The following ATP2A2 variants were observed in gnomAD, a reference collection of about 807,000 sequenced individuals.
ATP2A2 encodes sarcoplasmic/endoplasmic reticulum calcium ATPase 2.
Under a neutral mutation model 109.3 loss-of-function variants are expected in ATP2A2, and 14 were observed. The ratio of observed to expected loss-of-function variants is 0.13; its 90% CI spans 0.08 to 0.20. The LOEUF is 0.20. Among genes scored for constraint, ATP2A2 ranks in the 10% least tolerant of loss-of-function variants. ATP2A2 has a pLI of 1.00. For missense variants in ATP2A2, 657 were observed against 1,321.6 expected, an observed-to-expected ratio of 0.50 and a Z score of 7.80; for synonymous variants, 506 against 490.9, an observed-to-expected ratio of 1.03 and a Z score of -0.41.
In ATP2A2 at chr12:110,347,420, CTGCT is replaced by C. The variant is rs1459408770; in HGVS notation, c.*953_*956del. The C allele has an allele frequency of 3.9e-6, 5 of 1,288,950 alleles. No individual in the cohort carries two copies. Among genetic ancestry groups the C allele is most frequent in the Admixed American group, 4.6e-5 (2 of 43,522 alleles). The allele number at this position is 1,288,950 out of a possible 1,614,324, so 79.8% of individuals were successfully genotyped here. On this transcript the variant is annotated 3_prime_UTR_variant, in exon 20 of 20. Transcript: ENST00000539276. ...CTTAGCTCAGAACTTTAGTTGTACT[CTGCT>C]TGAGGGGAAGAAGGCTCCTGCTCTG... is the stretch of plus-strand genomic sequence containing the variant.
At chr12:110,302,655 A>G (rs1486813277) in intron 5 of ATP2A2, among the ~76,000 whole-genome samples, 1 of 151,918 alleles carries the variant, frequency 6.6e-6, no homozygotes, top group Non-Finnish European at 1.5e-5. Flanking sequence ...GCTGGAATGC[A>G]GTAGCGTGAT....
intron 5 of ATP2A2, among the ~76,000 whole-genome samples, chr12:110,310,606 T>C (rs2137765108): frequency 6.6e-6 from 1 of 152,330 alleles, no homozygotes; most frequent in African/African-American, 2.4e-5. Flanking sequence ...TTGTAGTATA[T>C]ACTCTGGAGC....
intron 11 of ATP2A2, 119 bp downstream of exon 11, chr12:110,334,262 C>T: frequency 8.0e-7 from 1 of 1,255,154 alleles, no homozygotes; most frequent in Non-Finnish European, 1.1e-6. Flanking sequence ...CTCAAACTTA[C>T]AGTATTTCCT....
At chr12:110,297,891 AG>A (rs1874139419) in intron 5 of ATP2A2, among the ~76,000 whole-genome samples, 1 of 152,090 alleles carries the variant, frequency 6.6e-6, no homozygotes. Flanking sequence ...CTGGGATTAC[AG>A]GTGTGCCCAG....
At chr12:110,309,196 C>G (rs1418553932) in intron 5 of ATP2A2, among the ~76,000 whole-genome samples, 1 of 107,330 alleles carries the variant, frequency 9.3e-6, no homozygotes, top group Non-Finnish European at 1.7e-5. Flanking sequence ...CTCACTCTGT[C>G]GCCCAGGCAG....
At chr12:110,345,956 G>C in intron 18 of ATP2A2, 45 bp from the exon 19 acceptor site, 1 of 1,584,400 alleles carries the variant, frequency 6.3e-7, no homozygotes, top group Non-Finnish European at 8.7e-7. Flanking sequence ...TGTGACACGT[G>C]CCTTGCCTTG....
chr12:110,345,228 TTTGA>T lies in ATP2A2; in HGVS notation c.2608-17_2608-14del. 6.2e-7 allele frequency: 1 copy of T among 1,613,996 alleles called. No homozygotes were observed. Among genetic ancestry groups the T allele is most frequent in the Non-Finnish European group, 8.5e-7 (1 of 1,179,986 alleles). On this transcript the variant is annotated splice_polypyrimidine_tract_variant and intron_variant, in intron 17 of 19. Coordinates refer to ENST00000539276, the MANE Select transcript of ATP2A2 (RefSeq NM_170665.4). ...GGGAAATATACTGGGCTGATAGGAATTTGATTGGATTTTCTTGCAGAGTCATTTC... is the reference window on the plus strand; with the variant it reads ...GGGAAATATACTGGGCTGATAGGAATTTGGATTTTCTTGCAGAGTCATTTC...
At position 110,325,128 on chromosome 12, in the gene ATP2A2, T is replaced by C. The variant is rs370852224; in HGVS notation, c.545-1262T>C. Among the ~76,000 whole-genome samples, 24 of 152,234 alleles carry C rather than the reference T, an allele frequency of 1.6e-4. 1 individual carries two copies. Among genetic ancestry groups the C allele is most frequent in the African/African-American group, 5.5e-4 (23 of 41,550 alleles). On this transcript the variant is annotated intron_variant, in intron 6 of 19. Coordinates refer to ENST00000539276, the MANE Select transcript of ATP2A2 (RefSeq NM_170665.4). ...ACACCCAGCCTATAATAAAAAACTT[T>C]AAAAGTTTAAAAAAAAATTTAAACT...
chr12:110,288,474 G>A lies in ATP2A2; in HGVS notation c.220-3546G>A, dbSNP rs559635368. The stretch of plus-strand genomic sequence containing the variant: ...GGCTGGAGTGCAATGGCGCGATCTC[G>A]GCTCGCTGTAACCTCTGCCTCCCGG... On this transcript the variant is annotated intron_variant, in intron 3 of 19. Coordinates refer to ENST00000539276, the MANE Select transcript of ATP2A2 (RefSeq NM_170665.4). Among the ~76,000 whole-genome samples the A allele has an allele frequency of 4.6e-5, 7 of 151,398 alleles. No homozygotes were observed. In the South Asian group the frequency reaches 6.3e-4, roughly 14 times the overall value.
intron 5 of ATP2A2, among the ~76,000 whole-genome samples, chr12:110,317,881 A>G (rs780653512): frequency 2.0e-5 from 3 of 152,242 alleles, no homozygotes; most frequent in Non-Finnish European, 4.4e-5. Flanking sequence ...ATAGCAAATT[A>G]AAGAGCTGTG....
intron 5 of ATP2A2, among the ~76,000 whole-genome samples, chr12:110,310,958 T>C (rs1212935998): frequency 6.6e-6 from 1 of 152,210 alleles, no homozygotes; most frequent in Admixed American, 6.5e-5. Flanking sequence ...AGAACCTGGA[T>C]TATGATCCTA....
At chr12:110,335,271 T>C (rs2137838195) in intron 11 of ATP2A2, among the ~76,000 whole-genome samples, 1 of 152,314 alleles carries the variant, frequency 6.6e-6, no homozygotes, top group Non-Finnish European at 1.5e-5. Flanking sequence ...AGAAACACTT[T>C]GCAACGGCTG....
chr12:110,305,311 G>A (rs529169907), intron 5 of ATP2A2, among the ~76,000 whole-genome samples: 3 of 152,262 alleles, frequency 2.0e-5, no homozygotes, highest in South Asian at 4.1e-4. Flanking sequence ...GCAGAGGTAC[G>A]AAGATGACTT....
intron 5 of ATP2A2, among the ~76,000 whole-genome samples, chr12:110,301,541 C>G (rs946005990): frequency 1.3e-5 from 2 of 152,194 alleles, no homozygotes; most frequent in African/African-American, 4.8e-5. Context: ...TTCGTGAACT[C>G]CGTTTCCTTG....
chr12:110,342,501 TG>T lies in ATP2A2; in HGVS notation c.2318+55del. The T allele has an allele frequency of 8.9e-6, 14 of 1,574,934 alleles. No homozygotes were observed. The highest frequency in any genetic ancestry group is 1.0e-5 in the Non-Finnish European group (12 of 1,150,054). ...TGTACGCCTTTATCTAAATGGGTCA[TG>T]GAGCCCAGTTCTCGCAGTTTGCTCT... is the stretch of plus-strand genomic sequence containing the variant. On this transcript the variant is annotated intron_variant, in intron 15 of 19. Transcript: ENST00000539276. This position sits in a 1 kb window ranked among gnomAD's most constrained non-coding sequence, Gnocchi z 4.6.
At chr12:110,326,948 T>C (rs1308683878) in intron 7 of ATP2A2, among the ~76,000 whole-genome samples, 1 of 152,194 alleles carries the variant, frequency 6.6e-6, no homozygotes, top group Non-Finnish European at 1.5e-5. Flanking sequence ...GAAAAATTCT[T>C]TGAATAGTGA....
chr12:110,349,997 G>A lies in ATP2A2; in HGVS notation c.*3527G>A, dbSNP rs1238860891. ...ACCTTGTCCTCTTGCCTGTCTCGCT[G>A]CTTTCACAGCTGCAACGATTGTGTC... On this transcript the variant is annotated 3_prime_UTR_variant, in exon 20 of 20. Coordinates refer to ENST00000539276, the MANE Select transcript of ATP2A2 (RefSeq NM_170665.4). 1.5e-6 allele frequency: 2 copies of A among 1,332,096 alleles called. No homozygotes were observed. The highest frequency in any genetic ancestry group is 9.6e-7 in the Non-Finnish European group (1 of 1,037,232). 82.5% of individuals were successfully genotyped at this position (1,332,096 alleles called of 1,614,324 possible).
intron 5 of ATP2A2, among the ~76,000 whole-genome samples, chr12:110,303,283 T>A (rs1200143875): frequency 6.6e-6 from 1 of 152,172 alleles, no homozygotes; most frequent in Non-Finnish European, 1.5e-5. Context: ...TCTAGTGCAG[T>A]GGTGTGATCT....
intron 5 of ATP2A2, among the ~76,000 whole-genome samples, chr12:110,311,633 A>ATAAGTGTG (rs1876079336): frequency 7.3e-6 from 1 of 137,088 alleles, no homozygotes; most frequent in Admixed American, 7.6e-5. Context: ...CGCTGGGATT[A>ATAAGTGTG]TAAGTGTGAG....
Sources: gnomAD v4.1 joint callset for allele counts (sites outside exome capture counted in the v4.1 genomes callset) on GRCh38, gnomAD v4.1.1 for gene constraint, Gnocchi (gnomAD v3.1) non-coding constraint, MANE v1.5 for transcripts, NCBI Gene and HGNC (gene_info 2026-07-23, HGNC 2026-07-21) for gene names.